Variants in ARSB observed in about 807,000 individuals in gnomAD.
The protein encoded by ARSB is N-acetylgalactosamine-4-sulfatase.
Under a neutral mutation model 50.9 loss-of-function variants are expected in ARSB, and 41 were observed. That is an observed-to-expected ratio of 0.81 (90% CI 0.63 to 1.04). The LOEUF is 1.04. Ranked by LOEUF, ARSB falls within the 50% of genes least tolerant of loss-of-function variation. The probability of loss-of-function intolerance (pLI) is 0.00; values close to 1 mark genes in which losing one functional copy is unlikely to be tolerated. For synonymous variants in ARSB, 269 were observed against 284.8 expected (o/e 0.94, Z 0.56); for missense variants, 672 against 693.3 (o/e 0.97, Z 0.35).
intron 5 of ARSB, among the ~76,000 whole-genome samples, chr5:78,865,110 A>AGCGGGTGTCCTAGTAG: frequency 6.6e-6 from 1 of 151,956 alleles, no homozygotes; most frequent in South Asian, 2.1e-4. Context: ...CAGCTCCACT[A>AGCGGGTGTCCTAGTAG]GGACTCCGTA....
chr5:78,909,261 A>C (rs1016730703), intron 4 of ARSB, among the ~76,000 whole-genome samples: 8 of 152,202 alleles, frequency 5.3e-5, no homozygotes, highest in African/African-American at 1.9e-4. Flanking sequence ...TACTTGACTT[A>C]GTAAAAATTT....
intron 4 of ARSB, among the ~76,000 whole-genome samples, chr5:78,916,832 A>T (rs899314350): frequency 6.7e-5 from 10 of 148,638 alleles, no homozygotes; most frequent in Non-Finnish European, 1.3e-4. Context: ...ACACACACAC[A>T]TGTATTTCAA....
At chr5:78,812,924 G>C (rs1024828401) in intron 6 of ARSB, among the ~76,000 whole-genome samples, 2 of 152,176 alleles carry the variant, frequency 1.3e-5, no homozygotes, top group Non-Finnish European at 2.9e-5. Flanking sequence ...CCAGGTGATC[G>C]AGGCTGCAGT....
chr5:78,954,590 T>C (rs1414833088), intron 4 of ARSB, among the ~76,000 whole-genome samples: 6 of 152,152 alleles, frequency 3.9e-5, no homozygotes, highest in Admixed American at 1.3e-4. Context: ...CTGCAACCTC[T>C]GCCTCCTGGA....
chr5:78,914,036 C>T lies in ARSB; in HGVS notation c.899-28209G>A, dbSNP rs573867457. On this transcript the variant is annotated intron_variant, in intron 4 of 7. Transcript: ENST00000264914. ...GGAGTGCGGTGGTGCAATCATAGTA[C>T]GTTGTAACCTCAAACTCCTGGGCTC... Among the ~76,000 whole-genome samples the T allele has an allele frequency of 6.4e-4, 96 of 149,506 alleles. 1 individual carries two copies. Among genetic ancestry groups the T allele is most frequent in the South Asian group, 1.1e-3 (5 of 4,710 alleles).
chr5:78,871,348 T>G (rs1455090543), intron 5 of ARSB, among the ~76,000 whole-genome samples: 17 of 151,866 alleles, frequency 1.1e-4, no homozygotes, highest in African/African-American at 4.1e-4. Context: ...AAAAGAGCCC[T>G]CATTGCCAAG....
intron 4 of ARSB, among the ~76,000 whole-genome samples, chr5:78,933,966 C>T (rs1469244633): frequency 6.6e-6 from 1 of 152,074 alleles, no homozygotes; most frequent in Non-Finnish European, 1.5e-5. Context: ...AGGACTCAAC[C>T]CACTGTTAAA....
rs1561524845 is a variant in ARSB at position 78,955,409 on chromosome 5, T to C, written c.784A>G (p.Asn262Asp). ...ACCATTCCTGCATAGTGATGCCTGT[T>C]CTTGTCTTGGATAAAGTCATATGGC... ...LKPYDFIQDKNRHHYAGMVSL... is the reference protein window; with the variant it reads ...LKPYDFIQDKDRHHYAGMVSL... Residue 262 changes from asparagine (N) to aspartate (D), a missense_variant, in exon 4 of 8, where the codon AAC (asparagine) becomes GAC (aspartate). Transcript: ENST00000264914. The C allele has an allele frequency of 5.6e-6, 9 of 1,614,104 alleles. No individual in the cohort carries two copies. Among genetic ancestry groups the C allele is most frequent in the Admixed American group, 1.7e-5 (1 of 60,010 alleles).
At chr5:78,860,962 C>T (rs973541679) in intron 5 of ARSB, among the ~76,000 whole-genome samples, 19 of 152,060 alleles carry the variant, frequency 1.2e-4, no homozygotes, top group African/African-American at 4.3e-4. Flanking sequence ...TACAAACTAC[C>T]GTCAGAGAAT....
intron 6 of ARSB, among the ~76,000 whole-genome samples, chr5:78,784,616 G>A (rs1749028851): frequency 6.6e-6 from 1 of 152,108 alleles, no homozygotes; most frequent in Non-Finnish European, 1.5e-5. Context: ...CCCTTTGTCA[G>A]TTTTGATAAC....
At chr5:78,824,184 G>A (rs1744343087) in intron 6 of ARSB, among the ~76,000 whole-genome samples, 1 of 152,204 alleles carries the variant, frequency 6.6e-6, no homozygotes, top group Non-Finnish European at 1.5e-5. Flanking sequence ...TGTACAGCCT[G>A]CAGAATCATG....
At chr5:78,793,087 T>A (rs953086177) in intron 6 of ARSB, among the ~76,000 whole-genome samples, 2 of 148,344 alleles carry the variant, frequency 1.3e-5, no homozygotes, top group African/African-American at 5.3e-5. Context: ...GTTCCCTTAG[T>A]CTAGCCCAGC....
At chr5:78,808,363 A>G (rs543788869) in intron 6 of ARSB, among the ~76,000 whole-genome samples, 1 of 152,284 alleles carries the variant, frequency 6.6e-6, no homozygotes, top group East Asian at 1.9e-4. Context: ...ATACTATTAT[A>G]TTAGTAGGAA....
At chr5:78,838,411 G>A (rs1038437287) in intron 6 of ARSB, among the ~76,000 whole-genome samples, 9 of 152,206 alleles carry the variant, frequency 5.9e-5, no homozygotes, top group South Asian at 2.1e-4. Context: ...GAGGCTGGCC[G>A]GGCAAGTGGG....
chr5:78,859,398 A>G (rs955547435), intron 5 of ARSB, among the ~76,000 whole-genome samples: 6 of 152,212 alleles, frequency 3.9e-5, no homozygotes, highest in Non-Finnish European at 5.9e-5. Context: ...TTTCCTATTC[A>G]TTACTAAAAA....
At chr5:78,824,656 T>C (rs1247156261) in intron 6 of ARSB, among the ~76,000 whole-genome samples, 3 of 152,236 alleles carry the variant, frequency 2.0e-5, no homozygotes, top group African/African-American at 7.2e-5. Context: ...ATCAGACCTG[T>C]TCACAGCCTG....
chr5:78,884,790 A>T (rs972279313), intron 5 of ARSB: 1 of 152,210 alleles, frequency 6.6e-6, no homozygotes, highest in Non-Finnish European at 1.5e-5. Context: ...ACAAGATTGA[A>T]ATTTTCTTCC....
chr5:78,962,449 G>A (rs908617789), intron 3 of ARSB, among the ~76,000 whole-genome samples: 3 of 152,038 alleles, frequency 2.0e-5, no homozygotes, highest in Non-Finnish European at 2.9e-5. Context: ...ATCAGCATAG[G>A]AGAGTGATCG....
At chr5:78,883,842 A>C (rs1018466072) in intron 5 of ARSB, 1 of 152,202 alleles carries the variant, frequency 6.6e-6, no homozygotes, top group Non-Finnish European at 1.5e-5. Flanking sequence ...TAGCTATCAA[A>C]CTTCCTTTGT....
Sources: gnomAD v4.1 joint callset for allele counts (sites outside exome capture counted in the v4.1 genomes callset) on GRCh38, gnomAD v4.1.1 for gene constraint, MANE v1.5 for transcripts, NCBI Gene and HGNC (gene_info 2026-07-23, HGNC 2026-07-21) for gene names.